Variants in GFRA2 observed in about 807,000 individuals in gnomAD.
GFRA2 encodes the protein GDNF family receptor alpha 2, also known as GDNF family receptor alpha-2.
In GFRA2, 17 loss-of-function variants were observed where a neutral mutation model predicts 48.3. The ratio of observed to expected loss-of-function variants is 0.35; its 90% CI spans 0.24 to 0.53. The LOEUF (loss-of-function observed/expected upper bound fraction) is 0.53, where lower values mean the gene tolerates loss of function less well. Among genes scored for constraint, GFRA2 ranks in the 20% least tolerant of loss-of-function variants. The pLI is 0.93. For synonymous variants in GFRA2, 305 were observed against 257.2 expected (o/e 1.19, Z -1.78); for missense variants, 660 against 637.3 (o/e 1.04, Z -0.38).
Position 21,811,704 on chromosome 8 carries a change from C to A in GFRA2, c.-148+527G>T, listed in dbSNP as rs564945698. 2.0e-3 allele frequency among the ~76,000 whole-genome samples: 301 copies of A among 152,204 alleles called. 1 individual carries two copies. Among genetic ancestry groups the A allele is most frequent in the African/African-American group, 6.9e-3 (286 of 41,514 alleles). On this transcript the variant is annotated intron_variant, in intron 1 of 10. Transcript: ENST00000517328. ...CAGGCTGTCCTAACAGATAGCTTCC[C>A]CTGCAAGTGAATGGAGATCTGCCCC...
At chr8:21,712,468 T>C (rs1289772920) in intron 4 of GFRA2, among the ~76,000 whole-genome samples, 5 of 147,912 alleles carry the variant, frequency 3.4e-5, no homozygotes, top group South Asian at 2.2e-4. Flanking sequence ...GAAGAGGCGC[T>C]CCTCACTTCC....
chr8:21,704,406 C>A (rs897502405), intron 6 of GFRA2, among the ~76,000 whole-genome samples: 19 of 152,144 alleles, frequency 1.2e-4, no homozygotes, highest in Non-Finnish European at 2.4e-4. Context: ...TCCTCGATGA[C>A]TTGGATCCCT....
At chr8:21,755,656 C>G (rs577473563) in intron 3 of GFRA2, among the ~76,000 whole-genome samples, 13 of 151,852 alleles carry the variant, frequency 8.6e-5, no homozygotes, top group African/African-American at 2.9e-4. Flanking sequence ...GGGGAGGGGT[C>G]CTGGAAGCAG....
At chr8:21,764,394 C>A (rs1164293524) in intron 3 of GFRA2, among the ~76,000 whole-genome samples, 1 of 152,230 alleles carries the variant, frequency 6.6e-6, no homozygotes, top group African/African-American at 2.4e-5. Context: ...TCCCAAAGGC[C>A]CCACTTCCTA....
chr8:21,783,025 G>A (rs896797732), intron 1 of GFRA2, 126 bp from the exon 2 acceptor site: 181 of 850,184 alleles, frequency 2.1e-4, no homozygotes, highest in Non-Finnish European at 3.1e-4. Context: ...ACACCAAGGC[G>A]ACTCTGTGGG....
At chr8:21,712,286 C>A (rs1803085007) in intron 4 of GFRA2, among the ~76,000 whole-genome samples, 1 of 151,966 alleles carries the variant, frequency 6.6e-6, no homozygotes, top group South Asian at 2.1e-4. Flanking sequence ...CCTCACTTCG[C>A]AGACAGGGCG....
intron 4 of GFRA2, among the ~76,000 whole-genome samples, chr8:21,748,541 A>T (rs1180493709): frequency 6.6e-6 from 1 of 152,172 alleles, no homozygotes; most frequent in African/African-American, 2.4e-5. Flanking sequence ...CTCCACACCC[A>T]CACTCACTAT....
intron 2 of GFRA2, among the ~76,000 whole-genome samples, chr8:21,804,437 CAAAAAAA>C (rs35138948): frequency 1.2e-5 from 1 of 80,532 alleles, no homozygotes; most frequent in Non-Finnish European, 2.5e-5. Flanking sequence ...AAAAAAAAAA[CAAAAAAA>C]AAACAAACTG....
At chr8:21,715,631 G>A (rs1803293949) in intron 4 of GFRA2, among the ~76,000 whole-genome samples, 1 of 151,686 alleles carries the variant, frequency 6.6e-6, no homozygotes, top group Admixed American at 6.6e-5. Flanking sequence ...AACATGACCT[G>A]GGCTGGGAAG....
intron 4 of GFRA2, among the ~76,000 whole-genome samples, chr8:21,721,667 T>C (rs1227887601): frequency 1.3e-5 from 2 of 152,222 alleles, no homozygotes; most frequent in Non-Finnish European, 2.9e-5. Context: ...TTATGATCTT[T>C]CTTCTTGGGA....
intron 2 of GFRA2, chr8:21,804,871 C>G (rs2117118140): frequency 6.6e-6 from 1 of 152,408 alleles, no homozygotes; most frequent in South Asian, 2.1e-4. Context: ...GCTCCAGCCT[C>G]CAATTCCATT....
At position 21,782,680 on chromosome 8, in the gene GFRA2, T is replaced by C. The variant is rs1807069210; in HGVS notation, c.260A>G (p.Glu87Gly). ...GCAGCGGCAGTCGTACAGCGGGCTC[T>C]CCTGCAAGACCTCCAAGGCCGCCTG... ...ECQAALEVLQ[E>G]SPLYDCRCKR... The change falls in exon 2 of 9, where the codon GAG (glutamate) becomes GGG (glycine). Residue 87 changes from glutamate to glycine, a missense_variant. Coordinates refer to ENST00000524240, the MANE Select transcript of GFRA2 (RefSeq NM_001495.5). 1 of 1,589,972 alleles carries C rather than the reference T, an allele frequency of 6.3e-7. No homozygotes were observed. The highest frequency in any genetic ancestry group is 1.1e-5 in the South Asian group (1 of 87,258).
upstream of GFRA2, chr8:21,788,970 T>G: frequency 4.1e-6 from 1 of 245,612 alleles, no homozygotes; most frequent in Non-Finnish European, 6.5e-6. Flanking sequence ...GCCCGGGCTC[T>G]CGCGCCAGCG....
At chr8:21,749,088 T>C (rs1003734360) in intron 4 of GFRA2, among the ~76,000 whole-genome samples, 2 of 152,214 alleles carry the variant, frequency 1.3e-5, no homozygotes, top group Non-Finnish European at 2.9e-5. Flanking sequence ...CCTTTGTCTG[T>C]TTCCCCTGTA....
intron 4 of GFRA2, among the ~76,000 whole-genome samples, chr8:21,714,844 G>C (rs993579546): frequency 1.3e-5 from 2 of 152,162 alleles, no homozygotes; most frequent in African/African-American, 4.8e-5. Flanking sequence ...TGACACAAAG[G>C]AATGGGGCAC....
intron 4 of GFRA2, among the ~76,000 whole-genome samples, chr8:21,714,370 A>C (rs984894919): frequency 2.8e-5 from 4 of 145,398 alleles, no homozygotes; most frequent in African/African-American, 1.0e-4. Flanking sequence ...TGCCTCAGCC[A>C]CCGGAGCAGC....
At chr8:21,774,615 C>A (rs1251677123) in intron 3 of GFRA2, among the ~76,000 whole-genome samples, 1 of 152,182 alleles carries the variant, frequency 6.6e-6, no homozygotes, top group African/African-American at 2.4e-5. Flanking sequence ...GAGGCCCAGA[C>A]AGGTTAAGCA....
intron 3 of GFRA2, among the ~76,000 whole-genome samples, chr8:21,768,705 A>T (rs1806298857): frequency 6.6e-6 from 1 of 151,958 alleles, no homozygotes; most frequent in African/African-American, 2.4e-5. Context: ...CTGGGAACTG[A>T]CTTTTGAGCC....
chr8:21,780,474 G>T, intron 2 of GFRA2, among the ~76,000 whole-genome samples: 1 of 151,870 alleles, frequency 6.6e-6, no homozygotes, highest in Non-Finnish European at 1.5e-5. Context: ...AAATACCATG[G>T]TCTCCGGGGT....
Sources: gnomAD v4.1 joint callset for allele counts (sites outside exome capture counted in the v4.1 genomes callset) on GRCh38, gnomAD v4.1.1 for gene constraint, MANE v1.5 for transcripts, NCBI Gene and HGNC (gene_info 2026-07-23, HGNC 2026-07-21) for gene names.